Variants in GPC6 observed in about 807,000 individuals in gnomAD.
The protein encoded by GPC6 is glypican 6.
Under a neutral mutation model 55.2 loss-of-function variants are expected in GPC6, and 14 were observed. That is an observed-to-expected ratio of 0.25 (90% CI 0.17 to 0.40). GPC6 has a LOEUF of 0.40. Among genes scored for constraint, GPC6 ranks in the 10% least tolerant of loss-of-function variants. The pLI is 1.00. For missense variants in GPC6, 641 were observed against 708.5 expected, an observed-to-expected ratio of 0.90 and a Z score of 1.08; for synonymous variants, 278 against 259.6, an observed-to-expected ratio of 1.07 and a Z score of -0.68.
intron 4 of GPC6, among the ~76,000 whole-genome samples, chr13:94,113,542 T>TAATAAGCTTTCCAGTGTC (rs548874489): frequency 0.014 from 2,162 of 152,230 alleles, 25 homozygotes; most frequent in Non-Finnish European, 0.022. Flanking sequence ...TTTTCAAGGA[T>TAATAAGCTTTCCAGTGTC]AATAAGCTTT....
intron 2 of GPC6, among the ~76,000 whole-genome samples, chr13:93,693,461 C>CTGTCTGTGTGTG (rs1882333432): frequency 7.2e-6 from 1 of 139,342 alleles, no homozygotes; most frequent in Non-Finnish European, 1.5e-5. Flanking sequence ...GTATGTATAT[C>CTGTCTGTGTGTG]TGTGTGTGTG....
chr13:93,683,703 T>C (rs1488609736), intron 2 of GPC6, among the ~76,000 whole-genome samples: 1 of 152,198 alleles, frequency 6.6e-6, no homozygotes, highest in Non-Finnish European at 1.5e-5. Context: ...CAGAATTGTG[T>C]CTTCTTTGTA....
At chr13:94,102,652 G>C (rs1409287246) in intron 4 of GPC6, among the ~76,000 whole-genome samples, 1 of 151,838 alleles carries the variant, frequency 6.6e-6, no homozygotes, top group Non-Finnish European at 1.5e-5. Context: ...ATTTATACTT[G>C]CTTTGTGTGT....
At chr13:94,099,646 T>G (rs539672364) in intron 4 of GPC6, among the ~76,000 whole-genome samples, 35 of 152,338 alleles carry the variant, frequency 2.3e-4, no homozygotes, top group Admixed American at 2.3e-3. Flanking sequence ...TTTTTGAGTC[T>G]ATTATAAAAG....
At chr13:93,763,240 A>C (rs950824350) in intron 2 of GPC6, among the ~76,000 whole-genome samples, 1 of 152,212 alleles carries the variant, frequency 6.6e-6, no homozygotes, top group South Asian at 2.1e-4. Context: ...TTAGTGATGC[A>C]AGTTCACTTG....
rs112626675 is a variant in GPC6 at position 94,062,454 on chromosome 13, T to C, written c.877+34560T>C. Among the ~76,000 whole-genome samples, 262 of 152,166 alleles carry C rather than the reference T, an allele frequency of 1.7e-3. 1 individual carries two copies. Among genetic ancestry groups the C allele is most frequent in the African/African-American group, 6.0e-3 (249 of 41,528 alleles). ...TTAGTAGAGACCAGGTTTCACCATG[T>C]TAGCCAAGCTGGTCTCGAACTCCTG... On this transcript the variant is annotated intron_variant, in intron 4 of 8. Transcript: ENST00000377047.
intron 3 of GPC6, among the ~76,000 whole-genome samples, chr13:93,982,989 G>A (rs559742380): frequency 6.6e-6 from 1 of 152,240 alleles, no homozygotes; most frequent in South Asian, 2.1e-4. Flanking sequence ...GGCTGGATTT[G>A]GCAAATGTAC....
intron 4 of GPC6, among the ~76,000 whole-genome samples, chr13:94,059,216 CT>C (rs527321050): frequency 1.4e-3 from 196 of 138,784 alleles, no homozygotes; most frequent in African/African-American, 2.0e-3. Context: ...AAGCATTTTT[CT>C]TTTTTTTTTT....
rs547026619 is a variant in GPC6, at chr13:93,507,017, G to A, written c.161-38246G>A. On this transcript the variant is annotated intron_variant, in intron 1 of 8. Transcript: ENST00000377047. ...GCGAAGCTTGCAGTGAGCCGAGATC[G>A]TGCCACTGCACTACAGCCTGGGCGA... 3.9e-5 allele frequency among the ~76,000 whole-genome samples: 5 copies of A among 127,962 alleles called. No individual in the cohort carries two copies. In the South Asian group the frequency reaches 1.3e-3, roughly 34 times the overall value. The allele number at this position is 127,962 out of a possible 152,430, so 83.9% of individuals were successfully genotyped here.
intron 4 of GPC6, among the ~76,000 whole-genome samples, chr13:94,033,697 A>C (rs1566314897): frequency 6.6e-6 from 1 of 152,316 alleles, no homozygotes; most frequent in East Asian, 1.9e-4. Context: ...AAATAATTCC[A>C]TAGTAAATAT....
rs1878753689 is a variant in GPC6 at position 93,617,065 on chromosome 13, A to G, written c.319+71644A>G. On this transcript the variant is annotated intron_variant, in intron 2 of 8. Coordinates refer to ENST00000377047, the MANE Select transcript of GPC6 (RefSeq NM_005708.5). ...TGGAACTGTTTGAAAGGCATGCCAG[A>G]ATTAAAGTTATATTTAGGCCACACC... 2.6e-5 allele frequency among the ~76,000 whole-genome samples: 4 copies of G among 152,204 alleles called. No individual in the cohort carries two copies. The South Asian group carries it at 8.3e-4, about 32-fold the overall frequency.
chr13:94,077,543 T>C lies in GPC6; in HGVS notation c.877+49649T>C, dbSNP rs951099186. Among the ~76,000 whole-genome samples, 18 of 151,858 alleles carry C rather than the reference T, an allele frequency of 1.2e-4. 1 individual carries two copies. Among genetic ancestry groups the C allele is most frequent in the African/African-American group, 4.3e-4 (18 of 41,430 alleles). On this transcript the variant is annotated intron_variant, in intron 4 of 8. Transcript: ENST00000377047. ...AAGTGATAAGAGCATTCCTGCCTTG[T>C]TCCTGATCTCAGAGGAAAAGCTTTC...
intron 2 of GPC6, among the ~76,000 whole-genome samples, chr13:93,680,434 G>A (rs1881805469): frequency 1.3e-5 from 2 of 152,104 alleles, no homozygotes; most frequent in African/African-American, 4.8e-5. Flanking sequence ...GGCAGTGTTA[G>A]TAATCCAATA....
intron 3 of GPC6, among the ~76,000 whole-genome samples, chr13:93,929,597 G>GT (rs1480011113): frequency 1.3e-5 from 2 of 152,066 alleles, no homozygotes; most frequent in Non-Finnish European, 2.9e-5. Context: ...AAAACAAGCA[G>GT]TTTTTTCAAG....
At chr13:94,059,222 T>C (rs561810265) in intron 4 of GPC6, among the ~76,000 whole-genome samples, 2 of 152,232 alleles carry the variant, frequency 1.3e-5, no homozygotes, top group Non-Finnish European at 2.9e-5. Context: ...TTTTCTTTTT[T>C]TTTTTTTCAG....
chr13:94,199,164 G>T (rs1035247477), intron 4 of GPC6, among the ~76,000 whole-genome samples: 3 of 152,230 alleles, frequency 2.0e-5, no homozygotes, highest in Admixed American at 6.5e-5. Flanking sequence ...TCCCGTGTTT[G>T]TGAAGAACTT....
intron 4 of GPC6, among the ~76,000 whole-genome samples, chr13:94,270,615 T>C (rs1360264371): frequency 2.0e-5 from 3 of 152,260 alleles, no homozygotes; most frequent in African/African-American, 7.2e-5. Flanking sequence ...TTTTTCCAAA[T>C]AGTGTGTGAC....
upstream of GPC6, among the ~76,000 whole-genome samples, chr13:93,224,280 T>C (rs1008384116): frequency 2.6e-4 from 39 of 150,148 alleles, no homozygotes; most frequent in Non-Finnish European, 5.3e-4. Context: ...CCGCAACCTC[T>C]GCCTCCCAGG....
At chr13:93,374,724 G>A (rs910141612) in intron 1 of GPC6, among the ~76,000 whole-genome samples, 1 of 152,096 alleles carries the variant, frequency 6.6e-6, no homozygotes, top group Non-Finnish European at 1.5e-5. Flanking sequence ...ACCTAATTAA[G>A]CAATTACTAC....
Sources: gnomAD v4.1 joint callset for allele counts (sites outside exome capture counted in the v4.1 genomes callset) on GRCh38, gnomAD v4.1.1 for gene constraint, MANE v1.5 for transcripts, NCBI Gene and HGNC (gene_info 2026-07-23, HGNC 2026-07-21) for gene names.